The following SP100 variants were observed in gnomAD, a reference collection of about 807,000 sequenced individuals.
SP100 encodes the protein SP100 nuclear body protein.
SP100 carries 84 observed loss-of-function variants against 130.0 expected under a neutral mutation model. That is an observed-to-expected ratio of 0.65 (90% confidence interval 0.54 to 0.77). The LOEUF (loss-of-function observed/expected upper bound fraction) is 0.77. Ranked by LOEUF, SP100 falls within the 30% of genes least tolerant of loss-of-function variation. SP100 has a pLI of 0.00. For synonymous variants in SP100, 331 were observed against 351.7 expected (o/e 0.94, Z 0.66); for missense variants, 978 against 1,052.2 (o/e 0.93, Z 0.97).
intron 8 of SP100, 114 bp from the exon 9 acceptor site, chr2:230,461,148 G>A (rs956582726): frequency 3.2e-6 from 3 of 933,528 alleles, no homozygotes; most frequent in Non-Finnish European, 1.6e-6. Flanking sequence ...AAAACACGGA[G>A]GTGGGGTGAA....
At chr2:230,447,856 T>C (rs980448088) in intron 5 of SP100, among the ~76,000 whole-genome samples, 30 of 152,274 alleles carry the variant, frequency 2.0e-4, no homozygotes, top group African/African-American at 7.2e-4. Context: ...CTCCCCTCCC[T>C]GGAGGTCAAG....
chr2:230,471,103 A>G (rs905085280), intron 15 of SP100, among the ~76,000 whole-genome samples: 2 of 152,240 alleles, frequency 1.3e-5, no homozygotes, highest in Non-Finnish European at 2.9e-5. Context: ...AGACAGAAGC[A>G]AAATAGATAA....
chr2:230,507,960 C>T (rs1429139842), intron 22 of SP100, 33 bp from the exon 23 acceptor site: 1 of 1,605,492 alleles, frequency 6.2e-7, no homozygotes, highest in Non-Finnish European at 8.5e-7. Context: ...AAAGCAAGAA[C>T]CCATCAAATC....
chr2:230,451,630 C>T (rs1011762222), intron 8 of SP100, among the ~76,000 whole-genome samples: 3 of 152,340 alleles, frequency 2.0e-5, no homozygotes, highest in South Asian at 4.1e-4. Flanking sequence ...CTTGCCTATG[C>T]AGAAGCTTTT....
chr2:230,485,359 T>C (rs543520545), intron 17 of SP100, among the ~76,000 whole-genome samples: 1 of 152,282 alleles, frequency 6.6e-6, no homozygotes, highest in Admixed American at 6.5e-5. Context: ...AATTTGTATT[T>C]GCATTTCCTC....
At chr2:230,455,770 T>A (rs2064244415) in intron 8 of SP100, among the ~76,000 whole-genome samples, 1 of 152,222 alleles carries the variant, frequency 6.6e-6, no homozygotes, top group Non-Finnish European at 1.5e-5. Flanking sequence ...TTCCTCTTTA[T>A]CTTTTGTGTA....
At chr2:230,479,610 G>C (rs570055183) in intron 17 of SP100, among the ~76,000 whole-genome samples, 1 of 152,246 alleles carries the variant, frequency 6.6e-6, no homozygotes, top group South Asian at 2.1e-4. Context: ...GTACAAACAG[G>C]CTTCAAAACT....
At chr2:230,440,487 G>A in intron 2 of SP100, 3 of 1,234,762 alleles carry the variant, frequency 2.4e-6, no homozygotes, top group Non-Finnish European at 3.1e-6. Context: ...TTTTTGGAGA[G>A]GAATAAATTT....
intron 14 of SP100, 44 bp downstream of exon 14, chr2:230,469,140 T>G (rs1422601285): frequency 1.7e-6 from 2 of 1,197,926 alleles, no homozygotes; most frequent in South Asian, 2.6e-5. Flanking sequence ...TGTCTTTATT[T>G]GCTGCAAAAG....
chr2:230,461,373 C>T lies in SP100; in HGVS notation c.932C>T (p.Ala311Val), dbSNP rs747952714. ...TCTAATTCAAAAGTTGAGTGCCAAG[C>T]CCAAGCAAGAACTCATCATAACCAG... Reference protein sequence around the residue: ...PFSNSKVECQAQARTHHNQAS... With the variant: ...PFSNSKVECQVQARTHHNQAS... Residue 311 changes from alanine to valine, a missense_variant, in exon 9 of 29, where the codon GCC (alanine) becomes GTC (valine). Ala to Val is a moderately conservative substitution (Grantham distance 64). Transcript: ENST00000340126. 1 of 1,614,006 alleles carries T rather than the reference C, an allele frequency of 6.2e-7. No homozygotes were observed. The highest frequency in any genetic ancestry group is 8.5e-7 in the Non-Finnish European group (1 of 1,180,000).
At chr2:230,510,988 C>G (rs533782810) in intron 23 of SP100, 137 bp from the exon 24 acceptor site, 1 of 704,476 alleles carries the variant, frequency 1.4e-6, no homozygotes. Context: ...GTTAGATGTA[C>G]AGGTCCATAA....
Position 230,444,205 on chromosome 2 carries a change from G to A in SP100, c.298G>A (p.Val100Ile). Residue 100 changes from valine (V) to isoleucine (I), a missense_variant, in exon 4 of 29, where the codon GTC becomes ATC. Physicochemically the swap from Val to Ile is conservative, Grantham distance 29. Coordinates refer to ENST00000340126, the MANE Select transcript of SP100 (RefSeq NM_001080391.2). ...EDSQDSCRNL[V>I]PVQRVVYNVL... Reference sequence around the variant, plus strand: ...TTCTCAAGATTCTTGTAGAAACCTGGTCCCTGTACAGAGAGTGGTGTACAA... The same window carrying A: ...TTCTCAAGATTCTTGTAGAAACCTGATCCCTGTACAGAGAGTGGTGTACAA... 6.3e-7 allele frequency: 1 copy of A among 1,596,486 alleles called. No individual in the cohort carries two copies. The highest frequency in any genetic ancestry group is 8.5e-7 in the Non-Finnish European group (1 of 1,173,686).
rs181160876 is a variant in SP100, at chr2:230,544,031, G to C, written c.*1085G>C. The C allele has an allele frequency of 6.6e-6, 1 of 152,076 alleles. No individual in the cohort carries two copies. Among genetic ancestry groups the C allele is most frequent in the African/African-American group, 2.4e-5 (1 of 41,412 alleles). 9.4% of individuals were successfully genotyped at this position (152,076 alleles called of 1,614,324 possible). A position where few individuals can be genotyped will look rare whatever the true frequency, so the allele number is the denominator to read the frequency against. ...ACACTCCTATGACCATCTGATCGTC[G>C]ATAAAAACAAGCAATGGGAAAAAGA... On this transcript the variant is annotated 3_prime_UTR_variant, in exon 29 of 29. Coordinates refer to ENST00000340126, the MANE Select transcript of SP100 (RefSeq NM_001080391.2).
chr2:230,469,426 G>A (rs1244404809), intron 14 of SP100: 8 of 486,904 alleles, frequency 1.6e-5, no homozygotes, highest in South Asian at 1.2e-4. Context: ...TGGTTCCCTT[G>A]GATAAGAAAC....
At chr2:230,430,780 T>G (rs1368604127) in intron 2 of SP100, among the ~76,000 whole-genome samples, 1 of 151,990 alleles carries the variant, frequency 6.6e-6, no homozygotes, top group East Asian at 1.9e-4. Context: ...TTGAGAGAGG[T>G]CATTGGCTTG....
intron 18 of SP100, among the ~76,000 whole-genome samples, chr2:230,496,731 G>T (rs779379498): frequency 6.6e-6 from 1 of 152,060 alleles, no homozygotes; most frequent in Non-Finnish European, 1.5e-5. Flanking sequence ...ACTTCAACTG[G>T]ATGCTTACCA....
chr2:230,469,723 T>C (rs2149991000), intron 14 of SP100: 1 of 1,271,432 alleles, frequency 7.9e-7, no homozygotes, highest in Non-Finnish European at 1.0e-6. Flanking sequence ...GCTTTCTTAA[T>C]TTGAAACCAC....
At chr2:230,540,748 C>G in intron 25 of SP100, 128 bp from the exon 26 acceptor site, 1 of 1,243,586 alleles carries the variant, frequency 8.0e-7, no homozygotes, top group Non-Finnish European at 1.1e-6. Flanking sequence ...GTGCAGAGGC[C>G]TCCAAGAGAG....
intron 5 of SP100, 88 bp from the exon 6 acceptor site, chr2:230,449,000 A>G (rs1195927482): frequency 5.9e-6 from 5 of 853,046 alleles, no homozygotes; most frequent in Non-Finnish European, 8.2e-6. Flanking sequence ...TTTAACTCCT[A>G]CGTTACAGAG....
Sources: allele counts gnomAD v4.1 joint callset (sites outside exome capture counted in the v4.1 genomes callset), GRCh38; gene constraint gnomAD v4.1.1; transcripts MANE v1.5; gene names NCBI Gene and HGNC (gene_info 2026-07-23, HGNC 2026-07-21).